PTPRN2: variants seen among roughly 807,000 people sequenced by gnomAD.
The protein encoded by PTPRN2 is receptor-type tyrosine-protein phosphatase N2.
PTPRN2 carries 74 observed loss-of-function variants against 118.8 expected under a neutral mutation model. The observed-to-expected ratio is 0.62, with a 90% CI of 0.52 to 0.76. The LOEUF (loss-of-function observed/expected upper bound fraction) is 0.76, where lower values mean the gene tolerates loss of function less well. Ranked by LOEUF, PTPRN2 falls within the 30% of genes least tolerant of loss-of-function variation. PTPRN2 has a pLI of 0.00. For missense variants in PTPRN2, 1,481 were observed against 1,394.4 expected (o/e 1.06, Z -0.99); for synonymous variants, 641 against 608.0 (o/e 1.05, Z -0.80).
At chr7:157,898,958 G>A (rs866929983) in intron 11 of PTPRN2, among the ~76,000 whole-genome samples, 2 of 152,210 alleles carry the variant, frequency 1.3e-5, no homozygotes, top group South Asian at 2.1e-4. Flanking sequence ...ACAACTGTGC[G>A]CTTTTGGTTT....
rs572080952 is a variant in PTPRN2 at position 157,729,476 on chromosome 7, C to T, written c.1789-46539G>A. Among the ~76,000 whole-genome samples the T allele has an allele frequency of 6.6e-5, 10 of 152,282 alleles. 1 individual carries two copies. In the South Asian group the frequency reaches 1.0e-3, roughly 16 times the overall value. On this transcript the variant is annotated intron_variant, in intron 12 of 22. Transcript: ENST00000389418. This position sits in a 1 kb window ranked among gnomAD's most constrained non-coding sequence, Gnocchi z 4.3. ...AGACTTCTCTTTGAGGAAATGTTTC[C>T]GCTGCTAAAATGCAAAGTTCCCCGA...
intron 2 of PTPRN2, among the ~76,000 whole-genome samples, chr7:158,344,522 A>G (rs1021087435): frequency 2.1e-4 from 30 of 141,438 alleles, no homozygotes; most frequent in African/African-American, 7.6e-4. Context: ...GGCATTTAAT[A>G]CAAGACACCC....
chr7:157,760,359 C>T (rs1230108921), intron 12 of PTPRN2, among the ~76,000 whole-genome samples: 3 of 151,968 alleles, frequency 2.0e-5, no homozygotes, highest in Non-Finnish European at 2.9e-5. Context: ...GCAGGGTGCA[C>T]GTTCTCGGTG....
At chr7:157,848,492 CCT>C (rs1809042588) in intron 12 of PTPRN2, among the ~76,000 whole-genome samples, 1 of 152,228 alleles carries the variant, frequency 6.6e-6, no homozygotes, top group South Asian at 2.1e-4. Flanking sequence ...TTTACAGAGC[CCT>C]CTCTCACTCT....
intron 11 of PTPRN2, among the ~76,000 whole-genome samples, chr7:158,035,244 GAA>G (rs1808012022): frequency 6.6e-6 from 1 of 152,218 alleles, no homozygotes; most frequent in Non-Finnish European, 1.5e-5. Context: ...AAAACTATAA[GAA>G]GAGAAGAAAG....
intron 3 of PTPRN2, among the ~76,000 whole-genome samples, chr7:158,219,993 C>A (rs1828234482): frequency 6.6e-6 from 1 of 151,800 alleles, no homozygotes; most frequent in African/African-American, 2.4e-5. Flanking sequence ...CTTCAAAAAA[C>A]CAAAAAGTAG....
At chr7:158,371,121 T>G (rs1009589996) in intron 2 of PTPRN2, among the ~76,000 whole-genome samples, 1 of 152,156 alleles carries the variant, frequency 6.6e-6, no homozygotes, top group South Asian at 2.1e-4. Context: ...ACCAGGTATG[T>G]GACTGCGCAG....
chr7:158,481,467 T>C (rs185846682), intron 2 of PTPRN2, among the ~76,000 whole-genome samples: 5 of 152,314 alleles, frequency 3.3e-5, no homozygotes, highest in South Asian at 4.1e-4. Context: ...TTTCAAGACA[T>C]ATATACAAAT....
intron 11 of PTPRN2, among the ~76,000 whole-genome samples, chr7:158,046,798 G>A (rs989347683): frequency 1.3e-5 from 2 of 152,152 alleles, no homozygotes; most frequent in Non-Finnish European, 2.9e-5. Context: ...ACGGCAGGAC[G>A]GGTTTCTCAG....
At chr7:158,416,475 C>T (rs1016501108) in intron 2 of PTPRN2, among the ~76,000 whole-genome samples, 4 of 152,340 alleles carry the variant, frequency 2.6e-5, no homozygotes, top group South Asian at 2.1e-4. Flanking sequence ...TTGGTGGCTG[C>T]ATGGGGATTG....
chr7:158,191,121 G>A (rs1016883995), intron 5 of PTPRN2, among the ~76,000 whole-genome samples: 9 of 152,230 alleles, frequency 5.9e-5, no homozygotes, highest in Non-Finnish European at 8.8e-5. Context: ...TAGTGGCCAC[G>A]CGTCCTCTGG....
intron 11 of PTPRN2, among the ~76,000 whole-genome samples, chr7:157,972,371 A>T (rs1271454128): frequency 6.6e-6 from 1 of 152,252 alleles, no homozygotes; most frequent in Non-Finnish European, 1.5e-5. Context: ...AAACCAGAGC[A>T]CATGGGCATT....
Position 157,813,532 on chromosome 7 carries a change from A to G in PTPRN2, c.1788+85141T>C. 6.6e-6 allele frequency among the ~76,000 whole-genome samples: 1 copy of G among 152,202 alleles called. No individual in the cohort carries two copies. The highest frequency in any genetic ancestry group is 1.9e-4 in the East Asian group (1 of 5,202). On this transcript the variant is annotated intron_variant, in intron 12 of 22. Transcript: ENST00000389418. The surrounding 1 kb of genome is among the most constrained non-coding windows in gnomAD (Gnocchi z 4.7). ...CTTTGTTAGTGTACAAAATGTGGTG[A>G]TCCTACTCGTATAAAAAAGAAAGTT...
At chr7:157,742,443 G>C (rs1800688643) in intron 12 of PTPRN2, among the ~76,000 whole-genome samples, 1 of 151,472 alleles carries the variant, frequency 6.6e-6, no homozygotes, top group Non-Finnish European at 1.5e-5. Context: ...TCATTGAACA[G>C]TTTTAGAGGT....
intron 11 of PTPRN2, among the ~76,000 whole-genome samples, chr7:158,071,456 T>TG (rs1585337803): frequency 0.036 from 727 of 19,922 alleles, 76 homozygotes; most frequent in Non-Finnish European, 0.048. Flanking sequence ...TGCTCGTGGT[T>TG]GAGGTGCTCG....
At chr7:157,925,497 G>A (rs978309296) in intron 11 of PTPRN2, among the ~76,000 whole-genome samples, 4 of 152,122 alleles carry the variant, frequency 2.6e-5, no homozygotes, top group South Asian at 2.1e-4. Context: ...CACCTTCCTC[G>A]TGGTCCCGGG....
At chr7:158,264,205 G>C (rs1277745473) in intron 3 of PTPRN2, among the ~76,000 whole-genome samples, 1 of 152,176 alleles carries the variant, frequency 6.6e-6, no homozygotes, top group Non-Finnish European at 1.5e-5. Context: ...GTTTAGAGTT[G>C]GTAACGACCG....
At chr7:157,900,590 G>A (rs993734475) in intron 11 of PTPRN2, among the ~76,000 whole-genome samples, 1 of 152,226 alleles carries the variant, frequency 6.6e-6, no homozygotes, top group African/African-American at 2.4e-5. Context: ...TCCTTGCCCA[G>A]ATATTGGGCT....
At chr7:157,777,898 A>G (rs972776696) in intron 12 of PTPRN2, among the ~76,000 whole-genome samples, 37 of 152,176 alleles carry the variant, frequency 2.4e-4, no homozygotes, top group Admixed American at 3.3e-4. Context: ...TGCTGAGGAA[A>G]ATGGTTTAAT....
Sources: allele counts gnomAD v4.1 joint callset (sites outside exome capture counted in the v4.1 genomes callset), GRCh38; gene constraint gnomAD v4.1.1; non-coding constraint Gnocchi (gnomAD v3.1); transcripts MANE v1.5; gene names NCBI Gene and HGNC (gene_info 2026-07-23, HGNC 2026-07-21).